Variants in NCKAP5 observed in about 807,000 individuals in gnomAD.
NCKAP5 encodes NCK associated protein 5.
In NCKAP5, 92 loss-of-function variants were observed where a neutral mutation model predicts 167.0. The ratio of observed to expected loss-of-function variants is 0.55; its 90% confidence interval spans 0.47 to 0.66. NCKAP5 has a LOEUF of 0.66. Among genes scored for constraint, NCKAP5 ranks in the 30% least tolerant of loss-of-function variants. NCKAP5 has a pLI of 0.00. For missense variants in NCKAP5, 2,378 were observed against 2,315.0 expected, an observed-to-expected ratio of 1.03 and a Z score of -0.56; for synonymous variants, 891 against 877.4, an observed-to-expected ratio of 1.02 and a Z score of -0.27.
chr2:133,519,343 C>T (rs981307388), intron 2 of NCKAP5, among the ~76,000 whole-genome samples: 1 of 152,338 alleles, frequency 6.6e-6, no homozygotes, highest in African/African-American at 2.4e-5. Flanking sequence ...ATATCATTTT[C>T]TAAAATTCTA....
the NCKAP5 span, among the ~76,000 whole-genome samples, chr2:133,577,222 C>T: frequency 6.6e-6 from 1 of 152,264 alleles, no homozygotes; most frequent in South Asian, 2.1e-4. Flanking sequence ...AAGAATGCAC[C>T]ACCCCTGTGG....
intron 3 of NCKAP5, among the ~76,000 whole-genome samples, chr2:133,344,202 A>G (rs10469580): frequency 0.31 from 47,422 of 151,848 alleles, 8,055 homozygotes; most frequent in African/African-American, 0.44. Context: ...GAGGTCAGGC[A>G]TTCGAGACCA....
At chr2:132,758,603 A>G (rs375083729) in intron 16 of NCKAP5, among the ~76,000 whole-genome samples, 132 of 152,268 alleles carry the variant, frequency 8.7e-4, no homozygotes, top group African/African-American at 3.1e-3. Flanking sequence ...GACACCTGAT[A>G]TGCTTCAGAA....
At chr2:132,883,982 C>A (rs553808945) in intron 8 of NCKAP5, among the ~76,000 whole-genome samples, 1 of 152,306 alleles carries the variant, frequency 6.6e-6, no homozygotes, top group African/African-American at 2.4e-5. Context: ...CGGAAAAAGT[C>A]TGTTTGAGAG....
At position 133,519,425 on chromosome 2, in the gene NCKAP5, G is replaced by A. The variant is rs1467184802; in HGVS notation, c.-61-1838C>T. 2.6e-5 allele frequency among the ~76,000 whole-genome samples: 4 copies of A among 152,186 alleles called. No homozygotes were observed. In the East Asian group the frequency reaches 7.7e-4, roughly 29 times the overall value. On this transcript the variant is annotated intron_variant, in intron 2 of 19. Transcript: ENST00000409261. Reference sequence around the variant, plus strand: ...CATGACCACTAGTCAACTGAAATTTGTTTGGGAGGCTGCCTTTTCTACTTT... The same window carrying A: ...CATGACCACTAGTCAACTGAAATTTATTTGGGAGGCTGCCTTTTCTACTTT...
At chr2:133,245,367 G>A (rs745663029) in intron 4 of NCKAP5, among the ~76,000 whole-genome samples, 14 of 152,052 alleles carry the variant, frequency 9.2e-5, no homozygotes, top group South Asian at 2.1e-4. Flanking sequence ...AAAAAACAGC[G>A]AGAAAAAAAC....
intron 16 of NCKAP5, among the ~76,000 whole-genome samples, chr2:132,755,832 G>A (rs2033334): frequency 0.57 from 83,481 of 146,240 alleles, 24,850 homozygotes; most frequent in East Asian, 0.86. Flanking sequence ...TTCTGTCTCA[G>A]AAAAAAAAAT....
At chr2:133,130,217 TC>T in intron 5 of NCKAP5, 106 bp from the exon 6 acceptor site, 1 of 1,270,938 alleles carries the variant, frequency 7.9e-7, no homozygotes, top group Non-Finnish European at 1.1e-6. Flanking sequence ...ATGAATTTCA[TC>T]CTTTGAACAA....
At chr2:133,568,564 G>C (rs1379673785), upstream of NCKAP5, 2 of 152,238 alleles carry the variant, frequency 1.3e-5, no homozygotes, top group Non-Finnish European at 2.9e-5. Context: ...AAGAAAGGAG[G>C]GGGTGGGGAG....
At chr2:133,118,401 T>A (rs1476721713) in intron 6 of NCKAP5, 1 of 152,164 alleles carries the variant, frequency 6.6e-6, no homozygotes, top group Non-Finnish European at 1.5e-5. Flanking sequence ...AAATTAGATT[T>A]TTTTTAAATC....
chr2:133,178,977 G>A (rs977105753), intron 5 of NCKAP5, among the ~76,000 whole-genome samples: 4 of 151,938 alleles, frequency 2.6e-5, no homozygotes, highest in East Asian at 3.9e-4. Flanking sequence ...ACCAGCCTGC[G>A]TAACATAGGG....
Position 132,783,200 on chromosome 2 carries a change from C to G in NCKAP5, c.3611G>C (p.Gly1204Ala), listed in dbSNP as rs1315370062. 5 of 1,613,876 alleles carry G rather than the reference C, an allele frequency of 3.1e-6. No individual in the cohort carries two copies. Among genetic ancestry groups the G allele is most frequent in the African/African-American group, 2.7e-5 (2 of 74,930 alleles). The change falls in exon 14 of 20, where the codon GGT becomes GCT. Residue 1204 changes from glycine to alanine, a missense_variant. Gly to Ala is a moderately conservative substitution (Grantham distance 60). Coordinates refer to ENST00000409261, the MANE Select transcript of NCKAP5 (RefSeq NM_207363.3). ...ATCCGGTAGGGTCACATTTCTTTCA[C>G]CCGCTGTGATCTCCATGCTTGCTGG... ...KNPASMEITAGERNVTLPDSQ... is the reference protein window; with the variant it reads ...KNPASMEITAAERNVTLPDSQ...
chr2:133,286,830 T>C (rs999550709), intron 4 of NCKAP5, among the ~76,000 whole-genome samples: 1 of 152,206 alleles, frequency 6.6e-6, no homozygotes, highest in African/African-American at 2.4e-5. Context: ...AAACTGTCTT[T>C]AGATAAATCC....
At chr2:133,180,764 A>G (rs1170229737) in intron 5 of NCKAP5, among the ~76,000 whole-genome samples, 1 of 152,210 alleles carries the variant, frequency 6.6e-6, no homozygotes, top group Non-Finnish European at 1.5e-5. Context: ...TATAGGGGAA[A>G]AGTTCCTTGA....
the NCKAP5 span, among the ~76,000 whole-genome samples, chr2:133,647,222 A>T: frequency 2.0e-4 from 31 of 152,026 alleles, 1 homozygote; most frequent in South Asian, 4.6e-3. Flanking sequence ...CTGCAGTCCC[A>T]GCTACTTAAG....
intron 8 of NCKAP5, among the ~76,000 whole-genome samples, chr2:132,956,195 C>T (rs943001542): frequency 7.2e-5 from 11 of 152,138 alleles, no homozygotes; most frequent in Non-Finnish European, 1.5e-4. Flanking sequence ...ACTCTGCATG[C>T]CATAAATGTA....
intron 5 of NCKAP5, among the ~76,000 whole-genome samples, chr2:133,149,211 C>T (rs1343291588): frequency 6.6e-6 from 1 of 152,180 alleles, no homozygotes; most frequent in African/African-American, 2.4e-5. Flanking sequence ...TAACATCTCA[C>T]TTGAGTATGA....
chr2:132,933,172 G>C (rs1186897510), intron 8 of NCKAP5, among the ~76,000 whole-genome samples: 1 of 151,704 alleles, frequency 6.6e-6, no homozygotes, highest in Admixed American at 6.6e-5. Context: ...TGATCTGCCC[G>C]CTGCGGCCTC....
rs1225963701 is a variant in NCKAP5 at position 133,538,908 on chromosome 2, G to GT, written c.-62+20141dup. 5.6e-3 allele frequency among the ~76,000 whole-genome samples: 707 copies of GT among 126,900 alleles called. 10 individuals carry two copies. The highest frequency in any genetic ancestry group is 0.015 in the African/African-American group (494 of 33,660). 83.3% of individuals were successfully genotyped at this position (126,900 alleles called of 152,430 possible). On this transcript the variant is annotated intron_variant, in intron 2 of 19. Coordinates refer to ENST00000409261, the MANE Select transcript of NCKAP5 (RefSeq NM_207363.3). ...CTGAGATGTACCTAGTTTTTTTTTG[G>GT]TTTTTTTTTGTGGTTTTTTTGGGTT...
Sources: gnomAD v4.1 joint callset for allele counts (sites outside exome capture counted in the v4.1 genomes callset) on GRCh38, gnomAD v4.1.1 for gene constraint, MANE v1.5 for transcripts, NCBI Gene and HGNC (gene_info 2026-07-23, HGNC 2026-07-21) for gene names.